The following SIK2 variants were observed in gnomAD, a reference collection of about 807,000 sequenced individuals.
SIK2 encodes the protein salt inducible kinase 2.
Under a neutral mutation model 103.2 loss-of-function variants are expected in SIK2, and 29 were observed. The ratio of observed to expected loss-of-function variants is 0.28; its 90% confidence interval spans 0.21 to 0.38. The LOEUF (loss-of-function observed/expected upper bound fraction) is 0.38, where lower values mean the gene tolerates loss of function less well. Among genes scored for constraint, SIK2 ranks in the 10% least tolerant of loss-of-function variants. The pLI is 1.00. For synonymous variants in SIK2, 412 were observed against 446.1 expected, an observed-to-expected ratio of 0.92 and a Z score of 0.96; for missense variants, 879 against 1,171.0, an observed-to-expected ratio of 0.75 and a Z score of 3.64.
rs760943992 is a variant in SIK2, at chr11:111,724,020, C to T, written c.2672C>T (p.Ala891Val). The part of the protein sequence containing the change: ...DCPRSPGLQE[A>V]PSSYDPLALS... ...CCCAGAAGCCCAGGACTGCAAGAGGCCCCCTCCAGCTACGACCCACTAGCC... is the reference window on the plus strand; with the variant it reads ...CCCAGAAGCCCAGGACTGCAAGAGGTCCCCTCCAGCTACGACCCACTAGCC... The change falls in exon 15 of 15, where the codon GCC (alanine) becomes GTC (valine). Residue 891 changes from alanine to valine, a missense_variant. This residue lies in a region of SIK2 where 375 missense variants were observed against 416.3 expected (regional missense o/e 0.90). Coordinates refer to ENST00000304987, the MANE Select transcript of SIK2 (RefSeq NM_015191.3). 6.2e-7 allele frequency: 1 copy of T among 1,614,158 alleles called. No homozygotes were observed.
intron 4 of SIK2, 66 bp from the exon 5 acceptor site, chr11:111,700,820 A>G: frequency 1.3e-6 from 2 of 1,579,518 alleles, no homozygotes; most frequent in African/African-American, 1.4e-5. Flanking sequence ...TAGAAAATTT[A>G]TTACAGAGAA....
chr11:111,704,919 T>TC (rs1943305480), intron 7 of SIK2, 68 bp from the exon 8 acceptor site: 1 of 1,473,022 alleles, frequency 6.8e-7, no homozygotes, highest in South Asian at 1.4e-5. Context: ...TCTTTTTTTT[T>TC]AGGCATGTGT....
Position 111,712,294 on chromosome 11 carries a change from C to T in SIK2, c.1185C>T (p.Asn395=), listed in dbSNP as rs778832985. The T allele has an allele frequency of 5.0e-6, 8 of 1,614,056 alleles. No homozygotes were observed. Among genetic ancestry groups the T allele is most frequent in the Middle Eastern group, 1.6e-4 (1 of 6,084 alleles). The change falls in exon 9 of 15, where the codon AAC becomes AAT. Residue 395 remains asparagine (N), a synonymous_variant. Coordinates refer to ENST00000304987, the MANE Select transcript of SIK2 (RefSeq NM_015191.3). ...CTGCCCTCCTCCCCCAGGCATCCAACGTGGAGGCCTTTTCATTTCCAGCAT... is the reference window on the plus strand; with the variant it reads ...CTGCCCTCCTCCCCCAGGCATCCAATGTGGAGGCCTTTTCATTTCCAGCAT... ...LRSALLPQAS[N]VEAFSFPASG... is the part of the protein sequence containing the mutation.
intron 9 of SIK2, among the ~76,000 whole-genome samples, chr11:111,715,113 G>C (rs1194030910): frequency 1.3e-5 from 2 of 152,226 alleles, no homozygotes; most frequent in African/African-American, 4.8e-5. Context: ...ACAGGAGCTA[G>C]ATGGTATATT....
chr11:111,720,289 C>A (rs1195020195), intron 10 of SIK2, among the ~76,000 whole-genome samples, 189 bp from the exon 11 acceptor site: 1 of 152,152 alleles, frequency 6.6e-6, no homozygotes, highest in Non-Finnish European at 1.5e-5. Flanking sequence ...ACAGATGCCA[C>A]TTCTGGAGTG....
At chr11:111,609,496 A>T (rs1035192230) in intron 1 of SIK2, among the ~76,000 whole-genome samples, 1 of 152,076 alleles carries the variant, frequency 6.6e-6, no homozygotes, top group Non-Finnish European at 1.5e-5. Context: ...TAATTTTTAA[A>T]TTTTTTGTAA....
Position 111,712,347 on chromosome 11 carries a change from T to A in SIK2, c.1238T>A (p.Met413Lys). The change falls in exon 9 of 15, where the codon ATG (methionine) becomes AAG (lysine). Residue 413 changes from methionine to lysine, a missense_variant. Met to Lys is a moderately conservative substitution (Grantham distance 95, BLOSUM62 -1). Transcript: ENST00000304987. The stretch of plus-strand genomic sequence containing the variant: ...GGCTGTCAGGCGGAAGCTGCATTCA[T>A]GGAAGAAGAGTGTGTGGACACTCCA... ...ASGCQAEAAF[M>K]EEECVDTPKV... 6.2e-7 allele frequency: 1 copy of A among 1,614,148 alleles called. No homozygotes were observed. Among genetic ancestry groups the A allele is most frequent in the Non-Finnish European group, 8.5e-7 (1 of 1,180,020 alleles).
At position 111,693,945 on chromosome 11, in the gene SIK2, A is replaced by G. The variant is rs796667509; in HGVS notation, c.478+5783A>G. 1.4e-4 allele frequency among the ~76,000 whole-genome samples: 21 copies of G among 152,306 alleles called. 1 individual carries two copies. The highest frequency in any genetic ancestry group is 5.1e-4 in the African/African-American group (21 of 41,564). On this transcript the variant is annotated intron_variant, in intron 4 of 14. Coordinates refer to ENST00000304987, the MANE Select transcript of SIK2 (RefSeq NM_015191.3). Reference sequence around the variant, plus strand: ...ACTTACTAGCTTTGTGACCTTGACCACGTTTCCTGACTTCTCTCTTCTCAG... The same window carrying G: ...ACTTACTAGCTTTGTGACCTTGACCGCGTTTCCTGACTTCTCTCTTCTCAG...
intron 1 of SIK2, among the ~76,000 whole-genome samples, chr11:111,615,471 C>T (rs1197921738): frequency 6.6e-6 from 1 of 151,926 alleles, no homozygotes; most frequent in Non-Finnish European, 1.5e-5. Context: ...TATTTTCCAA[C>T]CAAATATCTA....
In SIK2 at chr11:111,727,162, A is replaced by C. The variant is rs1041578135; in HGVS notation, c.*3033A>C. On this transcript the variant is annotated 3_prime_UTR_variant, in exon 15 of 15. Transcript: ENST00000304987. ...CTGCCCCCTCGCCACCTCTGCCTGC[A>C]CTGCCTTCTGTCACCGTGGGAAAAG... 1.4e-5 allele frequency: 13 copies of C among 905,716 alleles called. No individual in the cohort carries two copies. Among genetic ancestry groups the C allele is most frequent in the Non-Finnish European group, 2.3e-5 (13 of 559,660 alleles). The allele number at this position is 905,716 out of a possible 1,614,324, so 56.1% of individuals were successfully genotyped here.
chr11:111,719,634 T>G, intron 9 of SIK2, 141 bp from the exon 10 acceptor site: 1 of 829,758 alleles, frequency 1.2e-6, no homozygotes, highest in Non-Finnish European at 1.9e-6. Context: ...AATCTATGTG[T>G]TGTCATGCAT....
chr11:111,691,418 G>C (rs1018690570), intron 4 of SIK2, among the ~76,000 whole-genome samples: 1 of 152,100 alleles, frequency 6.6e-6, no homozygotes. Flanking sequence ...CCAGTTACTA[G>C]ATGAGAAAGC....
chr11:111,685,186 G>A (rs1942829490), intron 3 of SIK2, among the ~76,000 whole-genome samples: 2 of 152,196 alleles, frequency 1.3e-5, no homozygotes, highest in African/African-American at 4.8e-5. Context: ...ATGATTTGGG[G>A]ATGAAACTGT....
chr11:111,692,520 G>A (rs1942973731), intron 4 of SIK2, among the ~76,000 whole-genome samples: 1 of 152,098 alleles, frequency 6.6e-6, no homozygotes, highest in African/African-American at 2.4e-5. Flanking sequence ...GCAGGTATTA[G>A]CCAGTGAGAA....
At chr11:111,692,923 A>G (rs1157472773) in intron 4 of SIK2, among the ~76,000 whole-genome samples, 2 of 152,192 alleles carry the variant, frequency 1.3e-5, no homozygotes, top group East Asian at 3.8e-4. Context: ...CAAAATTAAA[A>G]TATTTTTGTG....
intron 4 of SIK2, among the ~76,000 whole-genome samples, chr11:111,694,163 A>G (rs921085647): frequency 3.3e-5 from 5 of 152,200 alleles, no homozygotes; most frequent in South Asian, 2.1e-4. Context: ...TTTGTATTCA[A>G]TGTATAATTG....
At chr11:111,614,214 C>CAG (rs1941771806) in intron 1 of SIK2, among the ~76,000 whole-genome samples, 2 of 151,690 alleles carry the variant, frequency 1.3e-5, no homozygotes, top group Non-Finnish European at 2.9e-5. Context: ...CCCAGGTCAA[C>CAG]CTGGGATTAC....
At chr11:111,669,862 C>G (rs533085378) in intron 3 of SIK2, among the ~76,000 whole-genome samples, 1 of 152,208 alleles carries the variant, frequency 6.6e-6, no homozygotes, top group Admixed American at 6.5e-5. Flanking sequence ...AAACCCTGCT[C>G]CATATTTTCA....
chr11:111,697,221 T>C (rs553800745), intron 4 of SIK2, among the ~76,000 whole-genome samples: 1 of 152,330 alleles, frequency 6.6e-6, no homozygotes, highest in South Asian at 2.1e-4. Flanking sequence ...ATAAGGATAC[T>C]TCATAGAACT....
Sources: gnomAD v4.1 joint callset for allele counts (sites outside exome capture counted in the v4.1 genomes callset) on GRCh38, gnomAD v4.1.1 for gene constraint, gnomAD v4.1.1 regional missense constraint, MANE v1.5 for transcripts, NCBI Gene and HGNC (gene_info 2026-07-23, HGNC 2026-07-21) for gene names.